SAMD5: variants seen among roughly 807,000 people sequenced by gnomAD.
The protein encoded by SAMD5 is sterile alpha motif domain-containing protein 5.
In SAMD5, 13 loss-of-function variants were observed where a neutral mutation model predicts 11.3. The observed-to-expected ratio is 1.15, with a 90% CI of 0.75 to 1.83. The LOEUF (loss-of-function observed/expected upper bound fraction) is 1.83. Ranked by LOEUF, SAMD5 falls within the 40% of genes most tolerant of loss-of-function variation. The pLI is 0.00. For missense variants in SAMD5, 255 were observed against 239.1 expected (o/e 1.07, Z -0.44); for synonymous variants, 129 against 111.3 (o/e 1.16, Z -1.00).
intron 1 of SAMD5, among the ~76,000 whole-genome samples, chr6:147,705,029 T>C (rs1347295224): frequency 1.3e-5 from 2 of 152,156 alleles, no homozygotes; most frequent in African/African-American, 4.8e-5. Flanking sequence ...GAGAAGAAGA[T>C]TGGAACACTT....
chr6:147,905,308 A>G, the SAMD5 span, among the ~76,000 whole-genome samples: 1 of 151,980 alleles, frequency 6.6e-6, no homozygotes, highest in African/African-American at 2.4e-5. Context: ...CAGCCTCCGG[A>G]GCAGCTGGGA....
At chr6:147,804,489 C>A in the SAMD5 span, among the ~76,000 whole-genome samples, 2 of 152,154 alleles carry the variant, frequency 1.3e-5, no homozygotes, top group African/African-American at 4.8e-5. Context: ...CTGTTCCCAG[C>A]CCTTAACGTA....
the SAMD5 span, among the ~76,000 whole-genome samples, chr6:147,912,367 C>A: frequency 6.6e-6 from 1 of 152,176 alleles, no homozygotes; most frequent in South Asian, 2.1e-4. Context: ...CCAGCCCAGT[C>A]CCCTCAATTT....
At chr6:147,670,420 A>G (rs1212902157) in intron 1 of SAMD5, among the ~76,000 whole-genome samples, 1 of 152,240 alleles carries the variant, frequency 6.6e-6, no homozygotes, top group African/African-American at 2.4e-5. Flanking sequence ...CTTTGAACTC[A>G]GACATTGACT....
intron 1 of SAMD5, among the ~76,000 whole-genome samples, chr6:147,718,796 T>G (rs1176062539): frequency 1.3e-5 from 2 of 152,094 alleles, no homozygotes; most frequent in Non-Finnish European, 2.9e-5. Context: ...GTTCAAGTGA[T>G]TCTCACGCCT....
chr6:147,846,511 C>T, the SAMD5 span, among the ~76,000 whole-genome samples: 4 of 152,118 alleles, frequency 2.6e-5, no homozygotes, highest in African/African-American at 9.7e-5. Context: ...TTGCAACTTA[C>T]CGTGAACCTA....
the SAMD5 span, among the ~76,000 whole-genome samples, chr6:147,864,760 G>T: frequency 1.3e-5 from 2 of 152,194 alleles, no homozygotes; most frequent in Admixed American, 6.5e-5. Context: ...TAGAGAGAAA[G>T]ATGGTTACTT....
intron 1 of SAMD5, among the ~76,000 whole-genome samples, chr6:147,619,209 AG>A (rs1789920943): frequency 1.3e-5 from 2 of 152,216 alleles, no homozygotes; most frequent in Admixed American, 6.5e-5. Flanking sequence ...ATTTTTTTTA[AG>A]TATGAAGCAA....
the SAMD5 span, among the ~76,000 whole-genome samples, chr6:147,898,804 G>A: frequency 0.31 from 47,683 of 151,734 alleles, 9,085 homozygotes; most frequent in African/African-American, 0.53. Context: ...CACATATATA[G>A]TCATGATCAA....
the SAMD5 span, among the ~76,000 whole-genome samples, chr6:147,913,966 C>T: frequency 6.6e-6 from 1 of 152,236 alleles, no homozygotes; most frequent in Admixed American, 6.5e-5. Flanking sequence ...GTCTTTCATA[C>T]GATTCCTTGC....
chr6:147,554,782 T>C (rs1032387266), intron 1 of SAMD5, among the ~76,000 whole-genome samples: 6 of 152,194 alleles, frequency 3.9e-5, no homozygotes, highest in African/African-American at 1.2e-4. Context: ...TATTTCAGAC[T>C]GATGACTTGG....
the SAMD5 span, among the ~76,000 whole-genome samples, chr6:147,925,116 C>T: frequency 6.6e-6 from 1 of 152,126 alleles, no homozygotes; most frequent in East Asian, 1.9e-4. Flanking sequence ...GAAATTCTAA[C>T]CCCCAATGTG....
chr6:147,670,268 T>A (rs370129429), intron 1 of SAMD5, among the ~76,000 whole-genome samples: 102 of 152,330 alleles, frequency 6.7e-4, no homozygotes, highest in Middle Eastern at 3.4e-3. Context: ...GCTTTGTTGT[T>A]CCACTTATAG....
At chr6:147,531,151 A>C (rs1788424076) in intron 1 of SAMD5, among the ~76,000 whole-genome samples, 1 of 92,406 alleles carries the variant, frequency 1.1e-5, no homozygotes, top group African/African-American at 4.4e-5. Flanking sequence ...TGATAGTCTT[A>C]AAAGTTTTTT....
At chr6:147,796,203 T>C in the SAMD5 span, among the ~76,000 whole-genome samples, 1 of 151,374 alleles carries the variant, frequency 6.6e-6, no homozygotes, top group East Asian at 1.9e-4. Flanking sequence ...GTTTTAGGTC[T>C]AACGTTTAAG....
chr6:147,569,736 C>T lies in SAMD5; in HGVS notation c.*5280C>T, dbSNP rs972885598. 8 of 985,182 alleles carry T rather than the reference C, an allele frequency of 8.1e-6. No individual in the cohort carries two copies. In the African/African-American group the frequency reaches 1.2e-4, roughly 15 times the overall value. The allele number at this position is 985,182 out of a possible 1,614,324, so 61.0% of individuals were successfully genotyped here. A position where few individuals can be genotyped will look rare whatever the true frequency, so the allele number is the denominator to read the frequency against. On this transcript the variant is annotated 3_prime_UTR_variant, in exon 2 of 2. Coordinates refer to ENST00000367474, the MANE Select transcript of SAMD5 (RefSeq NM_001030060.3). ...GCCATTATTCATAGAAAATTTCTGC[C>T]CCTACAGAAGTGTGTGCATGGGCCT...
At chr6:147,636,163 C>T (rs569585157) in intron 1 of SAMD5, among the ~76,000 whole-genome samples, 7 of 152,004 alleles carry the variant, frequency 4.6e-5, no homozygotes, top group Non-Finnish European at 7.4e-5. Flanking sequence ...TTAGAAGACA[C>T]GATAAAATCT....
At chr6:147,753,240 C>A in the SAMD5 span, among the ~76,000 whole-genome samples, 1 of 152,210 alleles carries the variant, frequency 6.6e-6, no homozygotes, top group Admixed American at 6.5e-5. Flanking sequence ...GGAGGCAGGC[C>A]CTGTCCAGGA....
intron 1 of SAMD5, among the ~76,000 whole-genome samples, chr6:147,593,092 C>T (rs71566486): frequency 0.11 from 16,825 of 152,010 alleles, 1,153 homozygotes; most frequent in East Asian, 0.29. Flanking sequence ...TAGAGGGAAG[C>T]GGCTTTATTC....
Sources: allele counts gnomAD v4.1 joint callset (sites outside exome capture counted in the v4.1 genomes callset), GRCh38; gene constraint gnomAD v4.1.1; transcripts MANE v1.5; gene names NCBI Gene and HGNC (gene_info 2026-07-23, HGNC 2026-07-21).